Variants in TMEM131L observed in about 807,000 individuals in gnomAD.
TMEM131L encodes transmembrane 131 like.
TMEM131L carries 54 observed loss-of-function variants against 192.2 expected under a neutral mutation model. The observed-to-expected ratio is 0.28, with a 90% CI of 0.23 to 0.35. The LOEUF is 0.35. TMEM131L is among the 10% of genes least tolerant of loss of function. The pLI is 1.00. For synonymous variants in TMEM131L, 701 were observed against 704.9 expected, an observed-to-expected ratio of 0.99 and a Z score of 0.09; for missense variants, 1,888 against 1,972.9, an observed-to-expected ratio of 0.96 and a Z score of 0.82.
chr4:153,578,531 T>G (rs961745591), intron 7 of TMEM131L, among the ~76,000 whole-genome samples: 7 of 150,766 alleles, frequency 4.6e-5, no homozygotes, highest in Admixed American at 2.6e-4. Flanking sequence ...AGTTTTTTTT[T>G]TTTTTTTTTG....
rs776575618 is a variant in TMEM131L, at chr4:153,602,738, A to AC, written c.2639+12dup. On this transcript the variant is annotated intron_variant, in intron 23 of 34. Coordinates refer to ENST00000409959, the MANE Select transcript of TMEM131L (RefSeq NM_001131007.2). ...GGTCTTCTTTGTCAGGTAAACCACT[A>AC]CTGTCTCCCTTGTTCTCTCACTGAG... 1 of 1,613,064 alleles carries AC rather than the reference A, an allele frequency of 6.2e-7. No individual in the cohort carries two copies. The highest frequency in any genetic ancestry group is 1.1e-5 in the South Asian group (1 of 90,980).
chr4:153,620,870 C>G lies in TMEM131L; in HGVS notation c.3682C>G (p.Pro1228Ala), dbSNP rs1484844841. The change falls in exon 27 of 35, where the codon CCA (proline) becomes GCA (alanine). Residue 1228 changes from proline to alanine, a missense_variant. Physicochemically the swap from Pro to Ala is conservative, Grantham distance 27. Transcript: ENST00000409959. Reference protein sequence around the residue: ...CRKNKKRGVAPVSRPPEQSDL... With the variant: ...CRKNKKRGVAAVSRPPEQSDL... ...AAAGAACAAGAAAAGGGGTGTTGCTCCAGTCTCAAGGTGCGTAATTCTTAC... is the reference window on the plus strand; with the variant it reads ...AAAGAACAAGAAAAGGGGTGTTGCTGCAGTCTCAAGGTGCGTAATTCTTAC... 1.3e-6 allele frequency: 2 copies of G among 1,593,714 alleles called. No individual in the cohort carries two copies. The highest frequency in any genetic ancestry group is 1.4e-5 in the African/African-American group (1 of 73,554).
intron 7 of TMEM131L, among the ~76,000 whole-genome samples, chr4:153,577,720 T>G (rs1730051303): frequency 6.6e-6 from 1 of 152,038 alleles, no homozygotes; most frequent in South Asian, 2.1e-4. Flanking sequence ...TATGACTTGG[T>G]TATGGATTTG....
intron 3 of TMEM131L, among the ~76,000 whole-genome samples, chr4:153,531,096 G>A (rs6850598): frequency 6.6e-6 from 1 of 152,126 alleles, no homozygotes; most frequent in African/African-American, 2.4e-5. Context: ...ATGAGCAGCA[G>A]ATAGATGGAT....
chr4:153,522,918 G>A (rs1735219995), intron 3 of TMEM131L, among the ~76,000 whole-genome samples: 1 of 152,170 alleles, frequency 6.6e-6, no homozygotes, highest in Non-Finnish European at 1.5e-5. Flanking sequence ...AGTTACACTG[G>A]GTGATCTAGA....
At chr4:153,498,070 G>A (rs79060768) in intron 3 of TMEM131L, among the ~76,000 whole-genome samples, 4,236 of 152,274 alleles carry the variant, frequency 0.028, 117 homozygotes, top group South Asian at 0.068. Flanking sequence ...TTAAGGCACA[G>A]CTCCTGTTCA....
Position 153,588,999 on chromosome 4 carries a change from C to T in TMEM131L, c.1662C>T (p.Asp554=), listed in dbSNP as rs373712732. 84 of 1,532,118 alleles carry T rather than the reference C, an allele frequency of 5.5e-5. 1 individual carries two copies. Among genetic ancestry groups the T allele is most frequent in the Middle Eastern group, 3.4e-4 (2 of 5,918 alleles). The allele number at this position is 1,532,118 out of a possible 1,614,324, so 94.9% of individuals were successfully genotyped here. A position where few individuals can be genotyped will look rare whatever the true frequency, so the allele number is the denominator to read the frequency against. The change falls in exon 16 of 35, where the codon GAC becomes GAT. Residue 554 remains aspartate (D), a synonymous_variant. Coordinates refer to ENST00000409959, the MANE Select transcript of TMEM131L (RefSeq NM_001131007.2). The stretch of plus-strand genomic sequence containing the variant: ...GATGGAAGAAATATAAAAATGGTGA[C>T]GTCTGCAAGTACGTCTCCACTGTCT... ...YERWKKYKNG[D]VCKRNVLGTT...
At chr4:153,475,052 T>G (rs1731432724) in intron 3 of TMEM131L, among the ~76,000 whole-genome samples, 1 of 152,230 alleles carries the variant, frequency 6.6e-6, no homozygotes, top group Admixed American at 6.5e-5. Context: ...TTTCCACCTC[T>G]GCTTTCACAA....
At chr4:153,596,003 A>T (rs1274165340) in intron 19 of TMEM131L, among the ~76,000 whole-genome samples, 1 of 152,170 alleles carries the variant, frequency 6.6e-6, no homozygotes, top group African/African-American at 2.4e-5. Flanking sequence ...ACTTCCATTC[A>T]AACCAGGAAG....
intron 3 of TMEM131L, among the ~76,000 whole-genome samples, chr4:153,526,255 A>C (rs948133936): frequency 1.3e-5 from 2 of 152,200 alleles, no homozygotes; most frequent in African/African-American, 4.8e-5. Context: ...TGTAGGCCAC[A>C]CTTGGTCCAC....
At chr4:153,566,462 A>G (rs1729203790) in intron 7 of TMEM131L, among the ~76,000 whole-genome samples, 1 of 151,774 alleles carries the variant, frequency 6.6e-6, no homozygotes, top group Non-Finnish European at 1.5e-5. Flanking sequence ...TTAGAGGAAA[A>G]CCCTGACACA....
In TMEM131L at chr4:153,594,466, G is replaced by A. The variant is rs10007756; in HGVS notation, c.1995+595G>A. 9.2e-3 allele frequency among the ~76,000 whole-genome samples: 1,396 copies of A among 152,258 alleles called. 14 individuals are homozygous for A. The highest frequency in any genetic ancestry group is 0.031 in the African/African-American group (1,298 of 41,530). On this transcript the variant is annotated intron_variant, in intron 19 of 34. Coordinates refer to ENST00000409959, the MANE Select transcript of TMEM131L (RefSeq NM_001131007.2). ...TTCTCAGTTTCCACTCAGTCATTCC[G>A]TGGCTATTTATATACAGCTGAGTGT...
intron 28 of TMEM131L, among the ~76,000 whole-genome samples, chr4:153,622,386 G>A (rs750096851): frequency 2.2e-4 from 34 of 152,258 alleles, no homozygotes; most frequent in Non-Finnish European, 4.0e-4. Context: ...TTCTCCAGAC[G>A]CATGCCCCAT....
intron 19 of TMEM131L, among the ~76,000 whole-genome samples, chr4:153,594,665 T>G (rs1317137235): frequency 6.6e-6 from 1 of 152,222 alleles, no homozygotes; most frequent in Admixed American, 6.5e-5. Flanking sequence ...TCCAAAAATA[T>G]ACTGTTGGCT....
At chr4:153,516,407 T>C (rs963461562) in intron 3 of TMEM131L, among the ~76,000 whole-genome samples, 1 of 152,120 alleles carries the variant, frequency 6.6e-6, no homozygotes, top group African/African-American at 2.4e-5. Context: ...TTGTTATATA[T>C]TTTTTAGAGA....
At chr4:153,565,186 A>G (rs1327912268) in intron 7 of TMEM131L, among the ~76,000 whole-genome samples, 1 of 152,170 alleles carries the variant, frequency 6.6e-6, no homozygotes, top group Non-Finnish European at 1.5e-5. Context: ...GAAGCTCTGC[A>G]GGAGGGACAG....
chr4:153,556,301 C>T (rs902310066), intron 5 of TMEM131L, among the ~76,000 whole-genome samples: 1 of 152,112 alleles, frequency 6.6e-6, no homozygotes, highest in African/African-American at 2.4e-5. Flanking sequence ...ATCTCTCAAG[C>T]CTACTAGGAA....
chr4:153,619,888 G>T (rs1336556575), intron 26 of TMEM131L, among the ~76,000 whole-genome samples: 2 of 152,284 alleles, frequency 1.3e-5, no homozygotes, highest in East Asian at 3.9e-4. Flanking sequence ...TCTGTGAGGT[G>T]CCTGGAGAAG....
At chr4:153,528,787 G>T (rs917200406) in intron 3 of TMEM131L, among the ~76,000 whole-genome samples, 2 of 152,144 alleles carry the variant, frequency 1.3e-5, no homozygotes, top group African/African-American at 2.4e-5. Context: ...GGTTGGGGGT[G>T]GGGGAGCCAA....
Sources: allele counts gnomAD v4.1 joint callset (sites outside exome capture counted in the v4.1 genomes callset), GRCh38; gene constraint gnomAD v4.1.1; transcripts MANE v1.5; gene names NCBI Gene and HGNC (gene_info 2026-07-23, HGNC 2026-07-21).